The following BCL2 variants were observed in gnomAD, a reference collection of about 807,000 sequenced individuals.
The protein encoded by BCL2 is BCL2 apoptosis regulator.
Under a neutral mutation model 14.2 loss-of-function variants are expected in BCL2, and 1 was observed. That is an observed-to-expected ratio of 0.07 (90% CI 0.02 to 0.33). BCL2 has a LOEUF of 0.33. BCL2 is among the 10% of genes least tolerant of loss of function. The pLI, the probability that BCL2 is intolerant of heterozygous loss-of-function variation, is 0.99. For missense variants in BCL2, 247 were observed against 305.9 expected, an observed-to-expected ratio of 0.81 and a Z score of 1.44; for synonymous variants, 151 against 137.2, an observed-to-expected ratio of 1.10 and a Z score of -0.70.
intron 2 of BCL2, among the ~76,000 whole-genome samples, chr18:63,140,806 T>A (rs1277304272): frequency 6.6e-6 from 1 of 152,206 alleles, no homozygotes; most frequent in Non-Finnish European, 1.5e-5. Flanking sequence ...GCACGTGAAC[T>A]ATATCCCAAT....
chr18:63,212,757 T>A (rs981037191), intron 2 of BCL2, among the ~76,000 whole-genome samples: 1 of 152,030 alleles, frequency 6.6e-6, no homozygotes, highest in Non-Finnish European at 1.5e-5. Flanking sequence ...ATGCCTGTAG[T>A]CCCAGTTACT....
chr18:63,277,135 T>G (rs1333838724), intron 2 of BCL2, among the ~76,000 whole-genome samples: 1 of 152,168 alleles, frequency 6.6e-6, no homozygotes, highest in Non-Finnish European at 1.5e-5. Flanking sequence ...GACTCTTCTC[T>G]CAGAGATCCA....
In BCL2 at chr18:63,273,738, A is replaced by T. The variant is rs190821944; in HGVS notation, c.585+44344T>A. Among the ~76,000 whole-genome samples, 41 of 151,870 alleles carry T rather than the reference A, an allele frequency of 2.7e-4. 1 individual carries two copies. In the Middle Eastern group the frequency reaches 0.017, roughly 63 times the overall value. On this transcript the variant is annotated intron_variant, in intron 2 of 2. Transcript: ENST00000333681. ...GCTGTGGCTACACCCCTGACCACCC[A>T]CCCCTCACAAAGCCTCACGCCTGAC...
intron 2 of BCL2, among the ~76,000 whole-genome samples, chr18:63,179,658 A>G (rs999537211): frequency 2.0e-5 from 3 of 152,136 alleles, no homozygotes; most frequent in African/African-American, 7.2e-5. Context: ...TATCTCAGCA[A>G]AGGACTCAGT....
At chr18:63,263,199 A>G (rs1911713137) in intron 2 of BCL2, among the ~76,000 whole-genome samples, 1 of 152,140 alleles carries the variant, frequency 6.6e-6, no homozygotes, top group South Asian at 2.1e-4. Flanking sequence ...TGCAGTGCAG[A>G]ATGAAGGCTG....
chr18:63,176,198 T>C (rs1036365583), intron 2 of BCL2, among the ~76,000 whole-genome samples: 1 of 152,230 alleles, frequency 6.6e-6, no homozygotes, highest in Non-Finnish European at 1.5e-5. Context: ...TTGAGAATGC[T>C]TGAGATAAAA....
chr18:63,264,164 A>G (rs1031171819), intron 2 of BCL2, among the ~76,000 whole-genome samples: 2 of 152,186 alleles, frequency 1.3e-5, no homozygotes, highest in Non-Finnish European at 2.9e-5. Context: ...CCGTCTTCAC[A>G]TCCTCCTTCA....
At chr18:63,296,941 G>A (rs1375303527) in intron 2 of BCL2, among the ~76,000 whole-genome samples, 1 of 152,302 alleles carries the variant, frequency 6.6e-6, no homozygotes, top group South Asian at 2.1e-4. Context: ...GGCCCCGCAC[G>A]GTGGCTCACG....
At chr18:63,215,403 T>C (rs1910171589) in intron 2 of BCL2, among the ~76,000 whole-genome samples, 1 of 152,172 alleles carries the variant, frequency 6.6e-6, no homozygotes, top group South Asian at 2.1e-4. Flanking sequence ...AATCAAGGAA[T>C]AGTACGCAGT....
chr18:63,232,077 A>C (rs780353012), intron 2 of BCL2, among the ~76,000 whole-genome samples: 5 of 152,100 alleles, frequency 3.3e-5, no homozygotes, highest in Non-Finnish European at 7.4e-5. Flanking sequence ...AACAAAAACT[A>C]AACTAATAGG....
chr18:63,158,436 T>C (rs1301205927), intron 2 of BCL2, among the ~76,000 whole-genome samples: 2 of 151,926 alleles, frequency 1.3e-5, no homozygotes, highest in East Asian at 3.8e-4. Flanking sequence ...CACGCTCTCC[T>C]CCACACCAGC....
intron 2 of BCL2, among the ~76,000 whole-genome samples, chr18:63,158,200 G>A (rs1914832438): frequency 6.6e-6 from 1 of 152,174 alleles, no homozygotes; most frequent in South Asian, 2.1e-4. Flanking sequence ...CTGAAAGGAT[G>A]TTTGGGGAGT....
chr18:63,239,091 C>A (rs1308295333), intron 2 of BCL2, among the ~76,000 whole-genome samples: 1 of 152,190 alleles, frequency 6.6e-6, no homozygotes, highest in Non-Finnish European at 1.5e-5. Context: ...ATATTATGTT[C>A]CTTCAGTAGC....
intron 2 of BCL2, among the ~76,000 whole-genome samples, chr18:63,203,676 A>G (rs1224774629): frequency 4.6e-5 from 7 of 152,170 alleles, no homozygotes; most frequent in Non-Finnish European, 5.9e-5. Flanking sequence ...ACATTCATAC[A>G]TATGCACACG....
rs115210788 is a variant in BCL2 at position 63,149,384 on chromosome 18, G to A, written c.586-20625C>T. 0.014 allele frequency among the ~76,000 whole-genome samples: 2,204 copies of A among 152,306 alleles called. 58 individuals carry two copies. Among genetic ancestry groups the A allele is most frequent in the African/African-American group, 0.05 (2,069 of 41,554 alleles). The stretch of plus-strand genomic sequence containing the variant: ...AGCCGGAGCTCAGGCAGTGATGCTC[G>A]CCAGCTGCTCACCTCCTGCTGTGCG... On this transcript the variant is annotated intron_variant, in intron 2 of 2. Coordinates refer to ENST00000333681, the MANE Select transcript of BCL2 (RefSeq NM_000633.3). The surrounding 1 kb of genome is among the most constrained non-coding windows in gnomAD (Gnocchi z 4.2).
chr18:63,133,319 A>ATTTTTTTTTTTT lies in BCL2; in HGVS notation c.586-4572_586-4561dup, dbSNP rs34022610. Among the ~76,000 whole-genome samples, 11 of 103,380 alleles carry ATTTTTTTTTTTT rather than the reference A, an allele frequency of 1.1e-4. 1 individual carries two copies. Among genetic ancestry groups the ATTTTTTTTTTTT allele is most frequent in the African/African-American group, 3.2e-4 (9 of 27,712 alleles). The allele number at this position is 103,380 out of a possible 152,430, so 67.8% of individuals were successfully genotyped here. On this transcript the variant is annotated intron_variant, in intron 2 of 2. Coordinates refer to ENST00000333681, the MANE Select transcript of BCL2 (RefSeq NM_000633.3). ...CCTTTTCCGTTCAGAACCTTCAAGA[A>ATTTTTTTTTTTT]TTTTTTTTTTTTTTTTTTTTTGAGA...
At chr18:63,302,403 T>A in intron 2 of BCL2, 1 of 985,374 alleles carries the variant, frequency 1.0e-6, no homozygotes, top group African/African-American at 1.7e-5. Flanking sequence ...GGGAGCCTGA[T>A]GGTGAACTCT....
intron 2 of BCL2, among the ~76,000 whole-genome samples, chr18:63,207,298 T>G (rs1668085690): frequency 6.6e-6 from 1 of 152,114 alleles, no homozygotes; most frequent in African/African-American, 2.4e-5. Context: ...TGTGTACAGA[T>G]CCACAAAACT....
chr18:63,161,038 A>T (rs1430502863), intron 2 of BCL2, among the ~76,000 whole-genome samples: 1 of 152,030 alleles, frequency 6.6e-6, no homozygotes, highest in Non-Finnish European at 1.5e-5. Flanking sequence ...GGAGTTTTTA[A>T]TTTTTTTTAA....
Sources: gnomAD v4.1 joint callset for allele counts (sites outside exome capture counted in the v4.1 genomes callset) on GRCh38, gnomAD v4.1.1 for gene constraint, Gnocchi (gnomAD v3.1) non-coding constraint, MANE v1.5 for transcripts, NCBI Gene and HGNC (gene_info 2026-07-23, HGNC 2026-07-21) for gene names.